The following INTS7 variants were observed in gnomAD, a reference collection of about 807,000 sequenced individuals.
INTS7 encodes integrator complex subunit 7, also known as chromosome 1 open reading frame 73.
A neutral mutation model predicts 109.2 loss-of-function variants in INTS7; 46 were observed. The observed-to-expected ratio is 0.42, with a 90% CI of 0.33 to 0.54. The LOEUF is 0.54. INTS7 is among the 20% of genes least tolerant of loss of function. INTS7 has a pLI of 0.07. For missense variants in INTS7, 929 were observed against 1,132.4 expected (o/e 0.82, Z 2.58); for synonymous variants, 412 against 402.9 (o/e 1.02, Z -0.27).
chr1:212,034,085 A>G (rs897041767), intron 1 of INTS7, among the ~76,000 whole-genome samples: 1 of 151,902 alleles, frequency 6.6e-6, no homozygotes, highest in Non-Finnish European at 1.5e-5. Flanking sequence ...TCTGTCTCCA[A>G]AAAAAAAGAG....
intron 8 of INTS7, 26 bp downstream of exon 8, chr1:211,987,860 T>C: frequency 1.6e-6 from 2 of 1,252,778 alleles, no homozygotes; most frequent in Admixed American, 1.9e-5. Context: ...ACATTATTTA[T>C]ATGGTATCTC....
At chr1:211,943,761 A>C (rs949210371) in intron 19 of INTS7, among the ~76,000 whole-genome samples, 4 of 152,198 alleles carry the variant, frequency 2.6e-5, no homozygotes, top group Admixed American at 2.0e-4. Flanking sequence ...CAAAGATAAT[A>C]AAATGCTCTC....
intron 7 of INTS7, among the ~76,000 whole-genome samples, chr1:212,002,639 CT>C (rs1315334111): frequency 6.6e-6 from 1 of 152,196 alleles, no homozygotes; most frequent in Non-Finnish European, 1.5e-5. Flanking sequence ...TTGACATTCC[CT>C]TCTTTAGGTC....
At chr1:211,965,183 C>G (rs147646251) in intron 16 of INTS7, among the ~76,000 whole-genome samples, 1 of 146,898 alleles carries the variant, frequency 6.8e-6, no homozygotes, top group East Asian at 2.0e-4. Flanking sequence ...CCAACAAGCA[C>G]ATAAAAAAAA....
chr1:211,993,218 T>G (rs1399687299), intron 7 of INTS7, among the ~76,000 whole-genome samples: 2 of 152,268 alleles, frequency 1.3e-5, no homozygotes, highest in Non-Finnish European at 2.9e-5. Flanking sequence ...TTACAAGAAC[T>G]AATTCTCAGG....
intron 1 of INTS7, among the ~76,000 whole-genome samples, chr1:212,028,680 T>G (rs1280542212): frequency 6.6e-6 from 1 of 152,168 alleles, no homozygotes; most frequent in African/African-American, 2.4e-5. Flanking sequence ...GAGGTCTGAA[T>G]GAAAATAAAG....
At chr1:211,963,842 T>C (rs1480532239) in intron 16 of INTS7, among the ~76,000 whole-genome samples, 1 of 151,238 alleles carries the variant, frequency 6.6e-6, no homozygotes, top group Admixed American at 6.6e-5. Flanking sequence ...GAAACATACC[T>C]CAAAATAATA....
chr1:212,002,782 G>A (rs781488791), intron 7 of INTS7, among the ~76,000 whole-genome samples: 12 of 152,126 alleles, frequency 7.9e-5, no homozygotes, highest in Non-Finnish European at 1.6e-4. Context: ...ACTGTCTGAC[G>A]TCTCTGCCTA....
chr1:212,030,155 G>A (rs1667089966), intron 1 of INTS7, among the ~76,000 whole-genome samples: 1 of 152,176 alleles, frequency 6.6e-6, no homozygotes, highest in South Asian at 2.1e-4. Context: ...ATAAGAATGA[G>A]TCTGTGGGTT....
At chr1:211,965,093 T>C (rs1417135909) in intron 16 of INTS7, among the ~76,000 whole-genome samples, 2 of 152,034 alleles carry the variant, frequency 1.3e-5, no homozygotes, top group Non-Finnish European at 2.9e-5. Flanking sequence ...TATAAGGAAC[T>C]TGAATTATTT....
At chr1:211,971,993 A>G (rs938546340) in intron 13 of INTS7, among the ~76,000 whole-genome samples, 2 of 151,984 alleles carry the variant, frequency 1.3e-5, no homozygotes, top group Non-Finnish European at 2.9e-5. Flanking sequence ...GGAACAGTAA[A>G]CACAAGATGC....
At chr1:211,995,576 C>A (rs1223432609) in intron 7 of INTS7, among the ~76,000 whole-genome samples, 2 of 152,144 alleles carry the variant, frequency 1.3e-5, no homozygotes, top group African/African-American at 4.8e-5. Flanking sequence ...ACAGAAGATT[C>A]TTTTATGCAG....
Position 211,974,310 on chromosome 1 carries a change from A to T in INTS7, c.1815+856T>A, listed in dbSNP as rs1193221083. 7.8e-5 allele frequency among the ~76,000 whole-genome samples: 7 copies of T among 89,372 alleles called. No homozygotes were observed. The South Asian group carries it at 1.3e-3, about 17-fold the overall frequency. The allele number at this position is 89,372 out of a possible 152,430, so 58.6% of individuals were successfully genotyped here. A position where few individuals can be genotyped will look rare whatever the true frequency, so the allele number is the denominator to read the frequency against. On this transcript the variant is annotated intron_variant, in intron 13 of 19. Coordinates refer to ENST00000366994, the MANE Select transcript of INTS7 (RefSeq NM_015434.4). ...ATATATATATATATATATATATATA[A>T]AATACTTCAAAATATATGTGCCTCA...
intron 12 of INTS7, 108 bp downstream of exon 12, chr1:211,976,474 T>A: frequency 1.0e-6 from 1 of 978,956 alleles, no homozygotes; most frequent in South Asian, 2.1e-5. Context: ...GACTAAAAGG[T>A]ACTTCCATCT....
chr1:212,023,363 C>T (rs1159237051), intron 1 of INTS7, among the ~76,000 whole-genome samples: 1 of 152,182 alleles, frequency 6.6e-6, no homozygotes, highest in African/African-American at 2.4e-5. Context: ...ATATTCCCAC[C>T]AACAGTGTAT....
At chr1:211,995,483 T>G (rs1036379653) in intron 7 of INTS7, among the ~76,000 whole-genome samples, 1 of 152,146 alleles carries the variant, frequency 6.6e-6, no homozygotes, top group Non-Finnish European at 1.5e-5. Context: ...ATAATAAAAT[T>G]GGCAAAGACA....
chr1:211,955,452 G>C (rs553340939), intron 16 of INTS7, among the ~76,000 whole-genome samples: 84 of 152,276 alleles, frequency 5.5e-4, no homozygotes, highest in African/African-American at 2.0e-3. Flanking sequence ...TGGTGAGAGA[G>C]GGCATCCCTG....
chr1:211,981,300 A>G (rs1469681008), intron 9 of INTS7, 110 bp from the exon 10 acceptor site: 1 of 588,674 alleles, frequency 1.7e-6, no homozygotes, highest in African/African-American at 1.9e-5. Flanking sequence ...AGTTTAAGAT[A>G]TAGGGAATTA....
intron 2 of INTS7, chr1:212,020,697 A>G: frequency 1.0e-6 from 1 of 999,890 alleles, no homozygotes; most frequent in Non-Finnish European, 1.2e-6. Context: ...AGAAAAAGCA[A>G]ATAGGCATGT....
Sources: gnomAD v4.1 joint callset for allele counts (sites outside exome capture counted in the v4.1 genomes callset) on GRCh38, gnomAD v4.1.1 for gene constraint, MANE v1.5 for transcripts, NCBI Gene and HGNC (gene_info 2026-07-23, HGNC 2026-07-21) for gene names.